Variants in CATSPERB observed in about 807,000 individuals in gnomAD.
CATSPERB encodes the protein catsper channel auxiliary subunit beta.
A neutral mutation model predicts 128.3 loss-of-function variants in CATSPERB; 93 were observed. The observed-to-expected ratio is 0.72, with a 90% CI of 0.61 to 0.86. CATSPERB has a LOEUF of 0.86. Among genes scored for constraint, CATSPERB ranks in the 40% least tolerant of loss-of-function variants. The pLI is 0.00. For missense variants in CATSPERB, 1,153 were observed against 1,329.5 expected (o/e 0.87, Z 2.06); for synonymous variants, 381 against 448.8 (o/e 0.85, Z 1.91).
At position 91,639,188 on chromosome 14, in the gene CATSPERB, G is replaced by A; in HGVS notation, c.1495C>T (p.His499Tyr). The A allele has an allele frequency of 6.2e-7, 1 of 1,613,742 alleles. No individual in the cohort carries two copies. The highest frequency in any genetic ancestry group is 8.5e-7 in the Non-Finnish European group (1 of 1,179,724). The change falls in exon 16 of 27, where the codon CAC becomes TAC. Residue 499 changes from histidine (H) to tyrosine (Y), a missense_variant. Physicochemically the swap from His to Tyr is moderately conservative, Grantham distance 83. Transcript: ENST00000256343. ...GTCAGCTTATGTAGGAATCCCAAGT[G>A]ATCATAGTATAATGTGAAAATTCTC... ...TERIFTLYYD[H>Y]LGFLHKLTLG...
chr14:91,583,288 G>A (rs946742742), intron 26 of CATSPERB, among the ~76,000 whole-genome samples: 7 of 152,092 alleles, frequency 4.6e-5, no homozygotes, highest in African/African-American at 9.7e-5. Flanking sequence ...GCATGGTGGC[G>A]GGTGCCTGTA....
chr14:91,662,562 G>T (rs1220851629), intron 14 of CATSPERB, among the ~76,000 whole-genome samples: 1 of 152,166 alleles, frequency 6.6e-6, no homozygotes, highest in Non-Finnish European at 1.5e-5. Context: ...TTGCTGAAAA[G>T]TGAAATTGGT....
intron 15 of CATSPERB, among the ~76,000 whole-genome samples, chr14:91,658,672 T>A (rs1200397178): frequency 2.7e-5 from 3 of 111,778 alleles, no homozygotes; most frequent in Admixed American, 2.3e-4. Flanking sequence ...TTTATACACC[T>A]ACTATGTACC....
At chr14:91,593,055 G>A (rs189827668) in intron 22 of CATSPERB, among the ~76,000 whole-genome samples, 8 of 152,352 alleles carry the variant, frequency 5.3e-5, no homozygotes, top group Admixed American at 1.3e-4. Context: ...CAGCTTCCAC[G>A]TGGTGTTGAG....
At chr14:91,725,710 C>T (rs545740220) in intron 2 of CATSPERB, among the ~76,000 whole-genome samples, 10 of 152,138 alleles carry the variant, frequency 6.6e-5, no homozygotes, top group Admixed American at 1.3e-4. Context: ...GAACAGGATA[C>T]GGTTTGTTGA....
intron 16 of CATSPERB, among the ~76,000 whole-genome samples, chr14:91,637,841 G>C (rs1894405245): frequency 6.6e-6 from 1 of 151,990 alleles, no homozygotes; most frequent in South Asian, 2.1e-4. Context: ...AGGGAACTAA[G>C]AAACTTTCTA....
chr14:91,628,594 T>C (rs1894212838), intron 17 of CATSPERB, among the ~76,000 whole-genome samples: 1 of 152,156 alleles, frequency 6.6e-6, no homozygotes, highest in African/African-American at 2.4e-5. Flanking sequence ...TGAGATCTGA[T>C]GGTTTTAAAA....
intron 14 of CATSPERB, among the ~76,000 whole-genome samples, chr14:91,669,258 C>CA (rs1215405082): frequency 6.6e-6 from 1 of 151,246 alleles, no homozygotes; most frequent in African/African-American, 2.4e-5. Flanking sequence ...TTCTTAGTTC[C>CA]AAAGTTTGCT....
chr14:91,586,411 T>A (rs879745864), intron 26 of CATSPERB, among the ~76,000 whole-genome samples: 20 of 152,158 alleles, frequency 1.3e-4, no homozygotes, highest in Non-Finnish European at 1.3e-4. Context: ...CAGATGCTTC[T>A]TTTCCTAGTT....
chr14:91,647,800 T>C (rs1256337019), intron 15 of CATSPERB, among the ~76,000 whole-genome samples: 3 of 152,150 alleles, frequency 2.0e-5, no homozygotes, highest in Non-Finnish European at 4.4e-5. Context: ...CAAGGTGAGA[T>C]TTAGTTGGGG....
intron 15 of CATSPERB, among the ~76,000 whole-genome samples, chr14:91,644,650 C>T (rs1894562738): frequency 3.1e-5 from 2 of 63,558 alleles, no homozygotes; most frequent in Non-Finnish European, 6.2e-5. Flanking sequence ...AACATTTTTT[C>T]CTTCATTTCA....
chr14:91,685,829 G>A (rs886658360), intron 10 of CATSPERB, among the ~76,000 whole-genome samples: 7 of 152,156 alleles, frequency 4.6e-5, no homozygotes, highest in African/African-American at 1.7e-4. Context: ...GGCTGCAGTA[G>A]GGGCAGGATG....
intron 4 of CATSPERB, among the ~76,000 whole-genome samples, chr14:91,722,291 G>C (rs1424241637): frequency 6.6e-6 from 1 of 152,130 alleles, no homozygotes; most frequent in African/African-American, 2.4e-5. Flanking sequence ...ATAGCCCAAA[G>C]GTTCATCAAC....
intron 14 of CATSPERB, among the ~76,000 whole-genome samples, chr14:91,663,028 A>C (rs1301006119): frequency 6.6e-6 from 1 of 152,108 alleles, no homozygotes; most frequent in Non-Finnish European, 1.5e-5. Flanking sequence ...TTCATGAAAA[A>C]GTCTCTTCCT....
intron 22 of CATSPERB, among the ~76,000 whole-genome samples, chr14:91,605,892 T>G (rs1893692271): frequency 6.6e-6 from 1 of 152,226 alleles, no homozygotes; most frequent in South Asian, 2.1e-4. Flanking sequence ...AATGCAGATT[T>G]CAGCTGGGCG....
rs75730066 is a variant in CATSPERB at position 91,725,685 on chromosome 14, A to G, written c.80-517T>C. On this transcript the variant is annotated intron_variant, in intron 2 of 26. Coordinates refer to ENST00000256343, the MANE Select transcript of CATSPERB (RefSeq NM_024764.4). ...GCTTAGAAAATCTAGAAGGCAAGAG[A>G]TGATTTGGTGGAGAGAACAGGATAC... Among the ~76,000 whole-genome samples, 789 of 152,250 alleles carry G rather than the reference A, an allele frequency of 5.2e-3. 7 individuals are homozygous for G. The highest frequency in any genetic ancestry group is 0.018 in the African/African-American group (737 of 41,538).
Position 91,660,064 on chromosome 14 carries a change from C to T in CATSPERB, c.1288-83G>A, listed in dbSNP as rs181022131. 5.8e-5 allele frequency: 71 copies of T among 1,220,032 alleles called. No individual in the cohort carries two copies. The Middle Eastern group carries it at 6.0e-4, about 10-fold the overall frequency. The allele number at this position is 1,220,032 out of a possible 1,614,324, so 75.6% of individuals were successfully genotyped here. ...TACCTATCAGCCTACATGAGAATAG[C>T]CATGTGGCATGATCTTTTCCATATG... On this transcript the variant is annotated intron_variant, in intron 14 of 26. Coordinates refer to ENST00000256343, the MANE Select transcript of CATSPERB (RefSeq NM_024764.4).
At chr14:91,677,972 G>C (rs1328098999) in intron 11 of CATSPERB, among the ~76,000 whole-genome samples, 4 of 152,094 alleles carry the variant, frequency 2.6e-5, no homozygotes, top group Admixed American at 2.6e-4. Flanking sequence ...ACTAACACAG[G>C]AACAGAAGAA....
At chr14:91,706,670 A>G (rs1390433353) in intron 6 of CATSPERB, among the ~76,000 whole-genome samples, 1 of 152,192 alleles carries the variant, frequency 6.6e-6, no homozygotes, top group African/African-American at 2.4e-5. Context: ...TCAGTAGTGA[A>G]TAAAGATTTC....
Sources: gnomAD v4.1 joint callset for allele counts (sites outside exome capture counted in the v4.1 genomes callset) on GRCh38, gnomAD v4.1.1 for gene constraint, MANE v1.5 for transcripts, NCBI Gene and HGNC (gene_info 2026-07-23, HGNC 2026-07-21) for gene names.